The following SAMD12 variants were observed in gnomAD, a reference collection of about 807,000 sequenced individuals.
The protein encoded by SAMD12 is sterile alpha motif domain-containing protein 12.
A neutral mutation model predicts 15.0 loss-of-function variants in SAMD12; 9 were observed. That is an observed-to-expected ratio of 0.60 (90% CI 0.36 to 1.05). SAMD12 has a LOEUF of 1.05. SAMD12 is among the 50% of genes least tolerant of loss of function. SAMD12 has a pLI of 0.01. For missense variants in SAMD12, 230 were observed against 234.2 expected, an observed-to-expected ratio of 0.98 and a Z score of 0.12; for synonymous variants, 86 against 90.1, an observed-to-expected ratio of 0.96 and a Z score of 0.25.
the SAMD12 span, among the ~76,000 whole-genome samples, chr8:118,136,337 C>T: frequency 6.6e-6 from 1 of 152,170 alleles, no homozygotes; most frequent in Non-Finnish European, 1.5e-5. Flanking sequence ...GCCTATCTGG[C>T]TTCTTTGTTG....
At chr8:118,203,850 C>T (rs941639154) in intron 4 of SAMD12, among the ~76,000 whole-genome samples, 17 of 150,444 alleles carry the variant, frequency 1.1e-4, no homozygotes, top group African/African-American at 2.7e-4. Context: ...TTTGTCCTTG[C>T]GATAGTTTGC....
intron 4 of SAMD12, among the ~76,000 whole-genome samples, chr8:118,292,428 C>T (rs937815213): frequency 4.2e-4 from 61 of 146,344 alleles, no homozygotes; most frequent in African/African-American, 1.5e-3. Context: ...ATAGAAAAAA[C>T]AACAATATAA....
intron 4 of SAMD12, among the ~76,000 whole-genome samples, chr8:118,218,263 AT>A (rs1464140728): frequency 6.6e-6 from 1 of 152,138 alleles, no homozygotes; most frequent in Non-Finnish European, 1.5e-5. Context: ...TTTATTTTTA[AT>A]TGACAAATAA....
At chr8:118,237,110 A>T (rs2129949884) in intron 4 of SAMD12, among the ~76,000 whole-genome samples, 1 of 152,308 alleles carries the variant, frequency 6.6e-6, no homozygotes, top group Non-Finnish European at 1.5e-5. Flanking sequence ...TTAGATGGTT[A>T]ATTATTCCAT....
chr8:118,341,460 T>C (rs572393809), intron 4 of SAMD12, among the ~76,000 whole-genome samples: 33 of 152,346 alleles, frequency 2.2e-4, no homozygotes, highest in African/African-American at 7.9e-4. Context: ...GATTATTGCA[T>C]TGTGTGGCTG....
intron 4 of SAMD12, among the ~76,000 whole-genome samples, chr8:118,349,697 G>A (rs1011048638): frequency 3.9e-5 from 6 of 152,320 alleles, no homozygotes; most frequent in Middle Eastern, 3.4e-3. Context: ...TTTGTTTATA[G>A]ATCCTTCTAC....
chr8:118,385,768 A>T (rs1412920129), intron 3 of SAMD12, among the ~76,000 whole-genome samples: 1 of 152,216 alleles, frequency 6.6e-6, no homozygotes, highest in Non-Finnish European at 1.5e-5. Flanking sequence ...CTAAATTAAC[A>T]TAAAGGTAAT....
chr8:118,403,738 A>G (rs901694138), intron 3 of SAMD12, among the ~76,000 whole-genome samples: 4 of 152,230 alleles, frequency 2.6e-5, no homozygotes, highest in African/African-American at 4.8e-5. Flanking sequence ...TGTCAGGTCT[A>G]TCATGACATA....
At chr8:118,257,662 G>A (rs1296175066) in intron 4 of SAMD12, among the ~76,000 whole-genome samples, 10 of 152,054 alleles carry the variant, frequency 6.6e-5, no homozygotes, top group East Asian at 1.9e-4. Context: ...CTGCTACCAG[G>A]ATGGTCTCAG....
At chr8:118,236,558 G>C (rs112447454) in intron 4 of SAMD12, among the ~76,000 whole-genome samples, 10 of 152,240 alleles carry the variant, frequency 6.6e-5, no homozygotes, top group African/African-American at 2.4e-4. Flanking sequence ...TAAAATAATG[G>C]ATTATTACAG....
chr8:118,486,817 T>C (rs1366215274), intron 2 of SAMD12, among the ~76,000 whole-genome samples: 1 of 152,032 alleles, frequency 6.6e-6, no homozygotes, highest in Non-Finnish European at 1.5e-5. Context: ...CTAGCAATGG[T>C]GGGAGGCAGA....
At chr8:118,324,309 A>G (rs976401679) in intron 4 of SAMD12, among the ~76,000 whole-genome samples, 1 of 152,218 alleles carries the variant, frequency 6.6e-6, no homozygotes, top group Non-Finnish European at 1.5e-5. Context: ...GGTGATTTTC[A>G]TAAGAAAGTA....
chr8:118,197,483 T>C, exon 5 of SAMD12: 1 of 590,142 alleles, frequency 1.7e-6, no homozygotes, highest in Non-Finnish European at 3.0e-6. Flanking sequence ...AATGACCACT[T>C]GGAATGAGTT....
chr8:118,572,193 CTTT>C (rs1299448885), intron 2 of SAMD12, among the ~76,000 whole-genome samples: 1 of 152,198 alleles, frequency 6.6e-6, no homozygotes, highest in Non-Finnish European at 1.5e-5. Flanking sequence ...CCTGTAGCTT[CTTT>C]GTTTTGGCCA....
intron 2 of SAMD12, among the ~76,000 whole-genome samples, chr8:118,513,477 C>G (rs1345812030): frequency 1.3e-5 from 2 of 152,146 alleles, no homozygotes; most frequent in East Asian, 3.8e-4. Flanking sequence ...CCTACCCTCC[C>G]AAAGAAAAAC....
rs148109140 is a variant in SAMD12, at chr8:118,315,833, G to T, written c.433+63727C>A. Among the ~76,000 whole-genome samples the T allele has an allele frequency of 2.1e-3, 320 of 152,190 alleles. 1 individual carries two copies. The highest frequency in any genetic ancestry group is 3.7e-3 in the Admixed American group (56 of 15,280). On this transcript the variant is annotated intron_variant, in intron 4 of 4. Coordinates refer to the SAMD12 transcript ENST00000409003. ...TGGGACTGTTAGAAACTTCTAGGGG[G>T]TGCTGGTTGGTGGGGGCAGCATCTG... is the stretch of plus-strand genomic sequence containing the variant.
chr8:118,298,211 T>C (rs1473056787), intron 4 of SAMD12, among the ~76,000 whole-genome samples: 4 of 152,216 alleles, frequency 2.6e-5, no homozygotes, highest in Non-Finnish European at 5.9e-5. Flanking sequence ...TACAAGTACA[T>C]AAAATTGATT....
chr8:118,375,924 C>G (rs763830558), downstream of SAMD12: 1 of 152,108 alleles, frequency 6.6e-6, no homozygotes, highest in Non-Finnish European at 1.5e-5. Context: ...GCATACTATA[C>G]GCATTGTTCA....
At chr8:118,463,225 G>C (rs754795550) in intron 2 of SAMD12, among the ~76,000 whole-genome samples, 1 of 152,096 alleles carries the variant, frequency 6.6e-6, no homozygotes, top group Non-Finnish European at 1.5e-5. Flanking sequence ...AGGTGGTGGG[G>C]CTAGAACCTT....
Sources: gnomAD v4.1 joint callset for allele counts (sites outside exome capture counted in the v4.1 genomes callset) on GRCh38, gnomAD v4.1.1 for gene constraint, MANE v1.5 for transcripts, NCBI Gene and HGNC (gene_info 2026-07-23, HGNC 2026-07-21) for gene names.